The following KCNQ3 variants were observed in gnomAD, a reference collection of about 807,000 sequenced individuals.
KCNQ3 encodes potassium voltage-gated channel subfamily KQT member 3.
Under a neutral mutation model 92.5 loss-of-function variants are expected in KCNQ3, and 30 were observed. That is an observed-to-expected ratio of 0.32 (90% CI 0.24 to 0.44). The LOEUF is 0.44. KCNQ3 is among the 20% of genes least tolerant of loss of function. The pLI is 1.00. For missense variants in KCNQ3, 913 were observed against 1,140.3 expected, an observed-to-expected ratio of 0.80 and a Z score of 2.87; for synonymous variants, 450 against 468.8, an observed-to-expected ratio of 0.96 and a Z score of 0.52.
chr8:132,180,092 T>C (rs1436000463), intron 4 of KCNQ3, 65 bp downstream of exon 4: 1 of 1,543,202 alleles, frequency 6.5e-7, no homozygotes, highest in Non-Finnish European at 8.9e-7. Flanking sequence ...AAGGAAGGGA[T>C]GTCATGGAAG....
intron 3 of KCNQ3, 96 bp from the exon 4 acceptor site, chr8:132,180,425 G>T: frequency 1.5e-6 from 2 of 1,352,968 alleles, no homozygotes; most frequent in Non-Finnish European, 2.1e-6. Flanking sequence ...TGGCAGATCA[G>T]CATGTGCCAA....
At chr8:132,303,606 GTA>G (rs369419617) in intron 1 of KCNQ3, among the ~76,000 whole-genome samples, 1,471 of 35,028 alleles carry the variant, frequency 0.042, 286 homozygotes, top group African/African-American at 0.1. Context: ...TATATGGTGT[GTA>G]TATATATATA....
At chr8:132,262,039 A>C (rs889724733) in intron 1 of KCNQ3, among the ~76,000 whole-genome samples, 1 of 152,234 alleles carries the variant, frequency 6.6e-6, no homozygotes, top group Admixed American at 6.5e-5. Context: ...AAAAGAATAA[A>C]GTACTGATAC....
At chr8:132,379,452 A>T (rs1819688544) in intron 1 of KCNQ3, among the ~76,000 whole-genome samples, 1 of 152,128 alleles carries the variant, frequency 6.6e-6, no homozygotes, top group East Asian at 1.9e-4. Flanking sequence ...GACTCCCCTC[A>T]TCATTTACAA....
intron 1 of KCNQ3, among the ~76,000 whole-genome samples, chr8:132,353,110 T>C (rs2130708010): frequency 6.6e-6 from 1 of 152,096 alleles, no homozygotes; most frequent in African/African-American, 2.4e-5. Context: ...CCTGTAATCC[T>C]AGCTACTCAG....
intron 1 of KCNQ3, among the ~76,000 whole-genome samples, chr8:132,408,080 C>T (rs1483313992): frequency 6.6e-6 from 1 of 151,884 alleles, no homozygotes; most frequent in Non-Finnish European, 1.5e-5. Flanking sequence ...ACCCACCCAC[C>T]CACCACCTAA....
chr8:132,121,815 A>C lies in KCNQ3; in HGVS notation c.*7447T>G, dbSNP rs1824478322. 6.6e-6 allele frequency: 1 copy of C among 152,198 alleles called. No individual in the cohort carries two copies. Among genetic ancestry groups the C allele is most frequent in the Non-Finnish European group, 1.5e-5 (1 of 68,036 alleles). 9.4% of individuals were successfully genotyped at this position (152,198 alleles called of 1,614,324 possible). On this transcript the variant is annotated 3_prime_UTR_variant, in exon 15 of 15. Transcript: ENST00000388996. ...TGACAGGAGCTCCTTGGGGGCAGAG[A>C]ACAAGGGGCACTTGTGGATGATCTG...
chr8:132,141,397 TC>T, intron 9 of KCNQ3, 66 bp from the exon 10 acceptor site: 1 of 1,392,524 alleles, frequency 7.2e-7, no homozygotes. Context: ...TTCCCATCCC[TC>T]CATAAAGACT....
At chr8:132,252,937 C>T (rs1357618299) in intron 1 of KCNQ3, among the ~76,000 whole-genome samples, 1 of 152,210 alleles carries the variant, frequency 6.6e-6, no homozygotes, top group African/African-American at 2.4e-5. Context: ...ACACTGCCCT[C>T]CTTCTCACTT....
chr8:132,412,755 G>A (rs1820683408), intron 1 of KCNQ3, among the ~76,000 whole-genome samples: 1 of 152,174 alleles, frequency 6.6e-6, no homozygotes, highest in African/African-American at 2.4e-5. Flanking sequence ...AGCAGGAAGA[G>A]GACAGTCCAT....
Position 132,403,016 on chromosome 8 carries a change from C to CAAAAAAAAA in KCNQ3, c.386+77122_386+77130dup, listed in dbSNP as rs375099145. ...CTGGCAACAGGGCGAGGCACCATCA[C>CAAAAAAAAA]AAAAAAAAAAAAAAAAGTGTCAATA... is the stretch of plus-strand genomic sequence containing the variant. On this transcript the variant is annotated intron_variant, in intron 1 of 14. Transcript: ENST00000388996. Among the ~76,000 whole-genome samples the CAAAAAAAAA allele has an allele frequency of 6.2e-3, 418 of 67,476 alleles. 45 individuals are homozygous for CAAAAAAAAA. Among genetic ancestry groups the CAAAAAAAAA allele is most frequent in the African/African-American group, 0.012 (142 of 11,640 alleles). The allele number at this position is 67,476 out of a possible 152,430, so 44.3% of individuals were successfully genotyped here.
intron 1 of KCNQ3, among the ~76,000 whole-genome samples, chr8:132,364,664 AATGG>A (rs1238198669): frequency 3.5e-5 from 5 of 143,626 alleles, no homozygotes; most frequent in Admixed American, 2.1e-4. Flanking sequence ...GGGTTTAGTA[AATGG>A]ATGGACGGAC....
At position 132,129,071 on chromosome 8, in the gene KCNQ3, AG is replaced by A; in HGVS notation, c.*190del. On this transcript the variant is annotated 3_prime_UTR_variant, in exon 15 of 15. Coordinates refer to ENST00000388996, the MANE Select transcript of KCNQ3 (RefSeq NM_004519.4). This position sits in a 1 kb window ranked among gnomAD's most constrained non-coding sequence, Gnocchi z 5.9. The stretch of plus-strand genomic sequence containing the variant: ...TAAAGTCATGCAAACCATGCTGAAA[AG>A]GAAGCACTTTGTTGTGGTGACATGG... 1.6e-6 allele frequency: 1 copy of A among 624,614 alleles called. No homozygotes were observed. Among genetic ancestry groups the A allele is most frequent in the Non-Finnish European group, 2.8e-6 (1 of 355,968 alleles). The allele number at this position is 624,614 out of a possible 1,614,324, so 38.7% of individuals were successfully genotyped here.
intron 1 of KCNQ3, among the ~76,000 whole-genome samples, chr8:132,392,138 C>G (rs986000427): frequency 2.0e-5 from 3 of 152,122 alleles, no homozygotes; most frequent in Non-Finnish European, 4.4e-5. Flanking sequence ...CTGGTTACGA[C>G]GTAATTCCTC....
chr8:132,336,388 C>G (rs1400842877), intron 1 of KCNQ3, among the ~76,000 whole-genome samples: 1 of 152,228 alleles, frequency 6.6e-6, no homozygotes. Context: ...ACAAGGCCCA[C>G]TGTAGTGACT....
chr8:132,157,890 C>T (rs1825855925), intron 9 of KCNQ3, among the ~76,000 whole-genome samples: 1 of 152,056 alleles, frequency 6.6e-6, no homozygotes, highest in Non-Finnish European at 1.5e-5. Context: ...CATGTGTTCT[C>T]ATTGTTCAAC....
intron 1 of KCNQ3, among the ~76,000 whole-genome samples, chr8:132,435,117 G>T (rs543924881): frequency 6.6e-6 from 1 of 152,262 alleles, no homozygotes; most frequent in Admixed American, 6.5e-5. Flanking sequence ...GGGGACAGCA[G>T]CCCCTACACT....
chr8:132,187,665 G>C (rs973391614), intron 1 of KCNQ3, among the ~76,000 whole-genome samples: 1 of 151,594 alleles, frequency 6.6e-6, no homozygotes, highest in Admixed American at 6.6e-5. Context: ...TGATGATAGT[G>C]GTGGTGGTGG....
At chr8:132,375,523 T>C (rs997043440) in intron 1 of KCNQ3, among the ~76,000 whole-genome samples, 6 of 152,172 alleles carry the variant, frequency 3.9e-5, no homozygotes, top group Non-Finnish European at 5.9e-5. Context: ...CTTAGTATCA[T>C]GAAAATAGCT....
Sources: gnomAD v4.1 joint callset for allele counts (sites outside exome capture counted in the v4.1 genomes callset) on GRCh38, gnomAD v4.1.1 for gene constraint, Gnocchi (gnomAD v3.1) non-coding constraint, MANE v1.5 for transcripts, NCBI Gene and HGNC (gene_info 2026-07-23, HGNC 2026-07-21) for gene names.